Variants in DCDC1 observed in about 807,000 individuals in gnomAD.
DCDC1 encodes the protein doublecortin domain-containing protein 1.
In DCDC1, 200 loss-of-function variants were observed where a neutral mutation model predicts 178.3. The observed-to-expected ratio is 1.12, with a 90% CI of 1.00 to 1.26. DCDC1 has a LOEUF of 1.26. Ranked by LOEUF, DCDC1 falls within the 50% of genes most tolerant of loss-of-function variation. The pLI, the probability that DCDC1 is intolerant of heterozygous loss-of-function variation, is 0.00. For synonymous variants in DCDC1, 690 were observed against 604.8 expected, an observed-to-expected ratio of 1.14 and a Z score of -2.07; for missense variants, 1,983 against 1,749.2, an observed-to-expected ratio of 1.13 and a Z score of -2.38.
intron 21 of DCDC1, among the ~76,000 whole-genome samples, chr11:30,933,680 A>G (rs1476677161): frequency 2.0e-5 from 3 of 152,228 alleles, no homozygotes; most frequent in Non-Finnish European, 4.4e-5. Context: ...TGAATTGGAA[A>G]GTATTGCTTC....
At chr11:31,291,057 C>T (rs1164178173) in intron 6 of DCDC1, among the ~76,000 whole-genome samples, 2 of 152,090 alleles carry the variant, frequency 1.3e-5, no homozygotes, top group African/African-American at 4.8e-5. Context: ...CTGCATAAAT[C>T]ATCATTTCTG....
chr11:31,292,705 C>A (rs1333064194), intron 6 of DCDC1, among the ~76,000 whole-genome samples: 6 of 152,128 alleles, frequency 3.9e-5, no homozygotes, highest in Non-Finnish European at 8.8e-5. Context: ...AGTTACACAA[C>A]AGTGTGAATG....
intron 3 of DCDC1, among the ~76,000 whole-genome samples, chr11:31,313,022 T>C (rs1257081403): frequency 6.6e-6 from 1 of 151,880 alleles, no homozygotes; most frequent in Non-Finnish European, 1.5e-5. Flanking sequence ...TAAAGTCAAA[T>C]AAAATATTTA....
chr11:31,340,123 G>A (rs967759280), intron 1 of DCDC1, among the ~76,000 whole-genome samples: 1 of 152,002 alleles, frequency 6.6e-6, no homozygotes, highest in African/African-American at 2.4e-5. Context: ...CTAATTCAGA[G>A]GTCTGGTTTC....
intron 6 of DCDC1, among the ~76,000 whole-genome samples, chr11:31,296,893 C>T (rs1947726152): frequency 1.3e-5 from 2 of 152,098 alleles, no homozygotes; most frequent in Admixed American, 1.3e-4. Flanking sequence ...TCCCACAAGG[C>T]GTCTCCCCCA....
At chr11:31,267,868 C>T (rs1945276121) in intron 7 of DCDC1, among the ~76,000 whole-genome samples, 1 of 152,194 alleles carries the variant, frequency 6.6e-6, no homozygotes, top group African/African-American at 2.4e-5. Flanking sequence ...TTTTAATACT[C>T]TAATTAACAC....
Position 30,892,944 on chromosome 11 carries a change from T to G in DCDC1, c.4956A>C (p.Ala1652=), listed in dbSNP as rs1252831553. ...TCGGCTTGACTGCTATACGTTTGGT[T>G]GCAATTGGAAAATTTATTTTGGATT... The part of the protein sequence containing the change: ...EMESKINFPI[A]TKRIAVKPSN... Residue 1652 remains alanine (A), a synonymous_variant, in exon 36 of 39, where the codon GCA becomes GCC. Coordinates refer to ENST00000684477, the MANE Select transcript of DCDC1 (RefSeq NM_001387274.1). 1 of 1,613,854 alleles carries G rather than the reference T, an allele frequency of 6.2e-7. No individual in the cohort carries two copies. The highest frequency in any genetic ancestry group is 8.5e-7 in the Non-Finnish European group (1 of 1,179,858).
At chr11:30,968,265 G>T (rs560655218) in intron 20 of DCDC1, among the ~76,000 whole-genome samples, 19 of 152,186 alleles carry the variant, frequency 1.2e-4, no homozygotes, top group African/African-American at 3.6e-4. Flanking sequence ...CAACAGAGAG[G>T]ACATGGGAAT....
At chr11:30,983,274 T>C (rs746398000) in intron 20 of DCDC1, among the ~76,000 whole-genome samples, 2 of 152,196 alleles carry the variant, frequency 1.3e-5, no homozygotes, top group African/African-American at 2.4e-5. Flanking sequence ...GTGTTTCCCA[T>C]TGGGCAAAAT....
chr11:31,285,170 A>C (rs188146389), intron 7 of DCDC1, among the ~76,000 whole-genome samples: 44 of 152,150 alleles, frequency 2.9e-4, no homozygotes, highest in Non-Finnish European at 5.0e-4. Flanking sequence ...CACATTAAAT[A>C]ATGAAAAGGC....
chr11:31,059,183 T>G (rs1340968576), intron 20 of DCDC1, among the ~76,000 whole-genome samples: 4 of 152,140 alleles, frequency 2.6e-5, no homozygotes, highest in Non-Finnish European at 5.9e-5. Flanking sequence ...TTAATGCACA[T>G]TTATAGACAT....
chr11:31,042,677 T>C (rs1008464573), intron 20 of DCDC1, among the ~76,000 whole-genome samples: 3 of 152,124 alleles, frequency 2.0e-5, no homozygotes, highest in African/African-American at 7.2e-5. Flanking sequence ...ATCAAACATA[T>C]CTACAAAAAT....
intron 7 of DCDC1, among the ~76,000 whole-genome samples, chr11:31,271,701 C>A (rs1406399339): frequency 6.6e-6 from 1 of 152,070 alleles, no homozygotes; most frequent in Admixed American, 6.5e-5. Flanking sequence ...AAAGACATAC[C>A]CAAGACTGGG....
chr11:30,872,451 G>C (rs1332184993), intron 38 of DCDC1, among the ~76,000 whole-genome samples: 1 of 152,070 alleles, frequency 6.6e-6, no homozygotes, highest in Non-Finnish European at 1.5e-5. Context: ...ATATTGAGTT[G>C]AATAAAATAT....
At chr11:30,945,779 T>C (rs1456570624) in intron 21 of DCDC1, among the ~76,000 whole-genome samples, 2 of 151,788 alleles carry the variant, frequency 1.3e-5, no homozygotes, top group African/African-American at 4.8e-5. Context: ...TATAGATAGA[T>C]ATGCACAATC....
chr11:30,882,366 A>G (rs1942762679), intron 36 of DCDC1: 1 of 152,196 alleles, frequency 6.6e-6, no homozygotes, highest in African/African-American at 2.4e-5. Context: ...TTATCCAAAA[A>G]TATATTCCCC....
At position 30,937,847 on chromosome 11, in the gene DCDC1, G is replaced by T. The variant is rs143818345; in HGVS notation, c.2716-5895C>A. On this transcript the variant is annotated intron_variant, in intron 21 of 38. Transcript: ENST00000684477. ...GAAAACAACAACAAAACCTTTAATG[G>T]TTATCTCATCCATTTACCCTTCCAT... 1.7e-3 allele frequency among the ~76,000 whole-genome samples: 266 copies of T among 152,110 alleles called. 3 individuals are homozygous for T. Among genetic ancestry groups the T allele is most frequent in the African/African-American group, 6.0e-3 (248 of 41,498 alleles).
At chr11:30,968,504 A>T (rs931346361) in intron 20 of DCDC1, among the ~76,000 whole-genome samples, 1 of 151,684 alleles carries the variant, frequency 6.6e-6, no homozygotes, top group Non-Finnish European at 1.5e-5. Flanking sequence ...AACCGTTATT[A>T]CAGCATATTG....
At chr11:31,071,715 G>A (rs1956574081) in intron 18 of DCDC1, among the ~76,000 whole-genome samples, 1 of 152,152 alleles carries the variant, frequency 6.6e-6, no homozygotes, top group Admixed American at 6.6e-5. Flanking sequence ...CAGAAGTGGT[G>A]GATGCCACTT....
Sources: allele counts gnomAD v4.1 joint callset (sites outside exome capture counted in the v4.1 genomes callset), GRCh38; gene constraint gnomAD v4.1.1; transcripts MANE v1.5; gene names NCBI Gene and HGNC (gene_info 2026-07-23, HGNC 2026-07-21).